LPP: variants seen among roughly 807,000 people sequenced by gnomAD.
The protein encoded by LPP is LIM domain containing preferred translocation partner in lipoma, also known as lipoma-preferred partner.
LPP carries 38 observed loss-of-function variants against 60.4 expected under a neutral mutation model. The ratio of observed to expected loss-of-function variants is 0.63; its 90% CI spans 0.49 to 0.83. The LOEUF (loss-of-function observed/expected upper bound fraction) is 0.83, where lower values mean the gene tolerates loss of function less well. Ranked by LOEUF, LPP falls within the 40% of genes least tolerant of loss-of-function variation. The pLI, the probability that LPP is intolerant of heterozygous loss-of-function variation, is 0.00. For missense variants in LPP, 902 were observed against 783.6 expected, an observed-to-expected ratio of 1.15 and a Z score of -1.80; for synonymous variants, 328 against 290.8, an observed-to-expected ratio of 1.13 and a Z score of -1.30.
chr3:188,215,450 C>T (rs1713177472), intron 1 of LPP, among the ~76,000 whole-genome samples: 2 of 152,164 alleles, frequency 1.3e-5, no homozygotes, highest in Non-Finnish European at 2.9e-5. Context: ...TCTCCTCCAG[C>T]CCCTGGCATC....
At chr3:188,223,760 T>C (rs1343751042) in intron 1 of LPP, among the ~76,000 whole-genome samples, 1 of 152,220 alleles carries the variant, frequency 6.6e-6, no homozygotes, top group Non-Finnish European at 1.5e-5. Context: ...TTTGGTTTTA[T>C]GCAGCTTGCG....
At chr3:188,765,887 T>TTTGG (rs1733927727) in intron 9 of LPP, among the ~76,000 whole-genome samples, 1 of 111,794 alleles carries the variant, frequency 8.9e-6, no homozygotes, top group Non-Finnish European at 1.9e-5. Context: ...TTTTTTTTTT[T>TTTGG]GGAGACAGGG....
intron 8 of LPP, among the ~76,000 whole-genome samples, chr3:188,733,857 G>A (rs935089044): frequency 2.6e-5 from 4 of 152,144 alleles, no homozygotes; most frequent in African/African-American, 9.7e-5. Context: ...TGTCAAGATT[G>A]TCTACTGTTG....
intron 2 of LPP, among the ~76,000 whole-genome samples, chr3:188,232,089 C>T (rs1412078353): frequency 6.6e-6 from 1 of 152,168 alleles, no homozygotes; most frequent in Non-Finnish European, 1.5e-5. Flanking sequence ...TTCCCCCGAC[C>T]AAAGCAGTCC....
intron 3 of LPP, among the ~76,000 whole-genome samples, chr3:188,390,706 C>T (rs1416992164): frequency 6.6e-6 from 1 of 151,902 alleles, no homozygotes; most frequent in Non-Finnish European, 1.5e-5. Flanking sequence ...AAATTAGTGG[C>T]TTTTCTTGAG....
intron 9 of LPP, among the ~76,000 whole-genome samples, chr3:188,783,024 T>A (rs879384354): frequency 2.0e-5 from 3 of 152,152 alleles, no homozygotes; most frequent in Non-Finnish European, 4.4e-5. Flanking sequence ...GCCTATCAGA[T>A]TATCAGTTGC....
At chr3:188,840,096 G>A (rs1031487369) in intron 9 of LPP, among the ~76,000 whole-genome samples, 3 of 152,206 alleles carry the variant, frequency 2.0e-5, no homozygotes, top group Non-Finnish European at 2.9e-5. Flanking sequence ...ACTAGAAGGA[G>A]ATAGTTTTGT....
At chr3:188,285,969 A>G (rs1743781526) in intron 2 of LPP, among the ~76,000 whole-genome samples, 1 of 152,156 alleles carries the variant, frequency 6.6e-6, no homozygotes. Context: ...TTTTTGGAGC[A>G]CATTTTGTCT....
At chr3:188,350,544 T>C (rs534091318) in intron 3 of LPP, among the ~76,000 whole-genome samples, 1 of 152,208 alleles carries the variant, frequency 6.6e-6, no homozygotes, top group East Asian at 1.9e-4. Context: ...CTAGACTCTA[T>C]CTGCAAAATA....
intron 2 of LPP, among the ~76,000 whole-genome samples, chr3:188,297,343 A>G (rs1342421918): frequency 6.6e-6 from 1 of 152,196 alleles, no homozygotes; most frequent in South Asian, 2.1e-4. Flanking sequence ...CCTCCAAGAT[A>G]CTGTTTTAGA....
intron 7 of LPP, among the ~76,000 whole-genome samples, chr3:188,700,192 T>A (rs907180210): frequency 6.6e-6 from 1 of 152,244 alleles, no homozygotes; most frequent in Admixed American, 6.5e-5. Flanking sequence ...TTTTTGAATA[T>A]CTTGGCTGCC....
intron 2 of LPP, among the ~76,000 whole-genome samples, chr3:188,327,864 T>C (rs928250238): frequency 2.6e-5 from 4 of 152,202 alleles, no homozygotes; most frequent in African/African-American, 7.2e-5. Flanking sequence ...AATGAGCTTT[T>C]GTTTGCATGC....
intron 6 of LPP, among the ~76,000 whole-genome samples, chr3:188,548,277 C>A (rs766459692): frequency 6.6e-6 from 1 of 152,192 alleles, no homozygotes; most frequent in Non-Finnish European, 1.5e-5. Flanking sequence ...GGTTTCCATT[C>A]ATAAACTAGG....
At chr3:188,241,108 A>G (rs1724533348) in intron 2 of LPP, among the ~76,000 whole-genome samples, 2 of 152,324 alleles carry the variant, frequency 1.3e-5, no homozygotes, top group South Asian at 4.1e-4. Flanking sequence ...TAGAGGGTTA[A>G]TGTTCCACGT....
intron 7 of LPP, among the ~76,000 whole-genome samples, chr3:188,685,391 T>C (rs566269781): frequency 1.3e-5 from 2 of 152,210 alleles, no homozygotes; most frequent in East Asian, 1.9e-4. Flanking sequence ...AAATGGTCTC[T>C]GTGGTTGAAT....
chr3:188,360,511 G>A (rs1015975208), intron 3 of LPP, among the ~76,000 whole-genome samples: 2 of 151,492 alleles, frequency 1.3e-5, no homozygotes, highest in Non-Finnish European at 2.9e-5. Flanking sequence ...TATCCTGTCT[G>A]AATTACATAA....
chr3:188,296,611 AC>A (rs1180904077), intron 2 of LPP, among the ~76,000 whole-genome samples: 1 of 152,096 alleles, frequency 6.6e-6, no homozygotes, highest in Non-Finnish European at 1.5e-5. Flanking sequence ...CTATATTGAA[AC>A]CAGTTGAAAA....
In LPP at chr3:188,643,934, C is replaced by T. The variant is rs558483731; in HGVS notation, c.1113+34090C>T. 3.9e-5 allele frequency among the ~76,000 whole-genome samples: 6 copies of T among 152,252 alleles called. 1 individual carries two copies. The South Asian group carries it at 1.0e-3, about 26-fold the overall frequency. On this transcript the variant is annotated intron_variant, in intron 7 of 11. Transcript: ENST00000617246. ...TGATACTTAAAGGAAGACAGAAATA[C>T]TGCTGACTGGGAATTTTAGAGGAAT...
chr3:188,482,866 A>T (rs1357063902), intron 4 of LPP, among the ~76,000 whole-genome samples: 4 of 152,164 alleles, frequency 2.6e-5, no homozygotes, highest in Admixed American at 1.3e-4. Flanking sequence ...AGTGGTTATT[A>T]AAGTGTGCTG....
Sources: allele counts gnomAD v4.1 joint callset (sites outside exome capture counted in the v4.1 genomes callset), GRCh38; gene constraint gnomAD v4.1.1; transcripts MANE v1.5; gene names NCBI Gene and HGNC (gene_info 2026-07-23, HGNC 2026-07-21).